C10orf53: variants seen among roughly 807,000 people sequenced by gnomAD.
C10orf53 encodes UPF0728 protein C10orf53.
A neutral mutation model predicts 9.4 loss-of-function variants in C10orf53; 8 were observed. That is an observed-to-expected ratio of 0.85 (90% CI 0.50 to 1.53). The LOEUF is 1.53. Among genes scored for constraint, C10orf53 ranks in the 40% most tolerant of loss-of-function variants. The pLI is 0.00. For missense variants in C10orf53, 117 were observed against 117.8 expected, an observed-to-expected ratio of 0.99 and a Z score of 0.03; for synonymous variants, 48 against 46.0, an observed-to-expected ratio of 1.04 and a Z score of -0.18.
chr10:49,686,415 A>C (rs1005653145), intron 1 of C10orf53, among the ~76,000 whole-genome samples: 4 of 152,202 alleles, frequency 2.6e-5, no homozygotes, highest in African/African-American at 7.2e-5. Context: ...ACAGAATAAC[A>C]GTGATTTTCA....
downstream of C10orf53, among the ~76,000 whole-genome samples, chr10:49,698,754 G>A (rs962753856): frequency 2.6e-5 from 4 of 152,212 alleles, no homozygotes; most frequent in South Asian, 2.1e-4. Context: ...AGGCGCTATA[G>A]TGGCAGCTGT....
Position 49,679,766 on chromosome 10 carries a change from C to G in C10orf53, c.69C>G (p.His23Gln). 6.5e-7 allele frequency: 1 copy of G among 1,544,984 alleles called. No homozygotes were observed. Among genetic ancestry groups the G allele is most frequent in the Non-Finnish European group, 8.7e-7 (1 of 1,145,266 alleles). Residue 23 changes from histidine (H) to glutamine (Q), a missense_variant, in exon 1 of 3, where the codon CAC becomes CAG. Coordinates refer to ENST00000374111, the MANE Select transcript of C10orf53 (RefSeq NM_001042427.3). The stretch of plus-strand genomic sequence containing the variant: ...GCGCGGCAGGCCTACCGGTGGAGCA[C>G]CACACCTTCCGCCTGCAGGGCCTGC... ...PYSAAGLPVE[H>Q]HTFRLQGLQA... is the part of the protein sequence containing the mutation.
chr10:49,701,713 C>T (rs1456857544), downstream of C10orf53, among the ~76,000 whole-genome samples: 3 of 152,176 alleles, frequency 2.0e-5, no homozygotes, highest in African/African-American at 7.2e-5. Context: ...GAAGCCTGCC[C>T]TGCCCTCCCA....
exon 3 of C10orf53, chr10:49,708,810 C>A: frequency 1.4e-6 from 1 of 735,402 alleles, no homozygotes; most frequent in South Asian, 1.9e-5. Flanking sequence ...AGCTCTGAGT[C>A]TCTACAACTG....
At chr10:49,704,657 T>C (rs868294658) in intron 2 of C10orf53, among the ~76,000 whole-genome samples, 5 of 152,156 alleles carry the variant, frequency 3.3e-5, no homozygotes, top group Non-Finnish European at 7.3e-5. Context: ...GGTGGGAGAA[T>C]TGCTTGAACC....
intron 2 of C10orf53, among the ~76,000 whole-genome samples, chr10:49,705,345 G>C (rs1300165237): frequency 6.6e-6 from 1 of 152,108 alleles, no homozygotes; most frequent in East Asian, 1.9e-4. Flanking sequence ...TTTTACCTTT[G>C]AAACTTTGTA....
chr10:49,679,691 C>A lies in C10orf53; in HGVS notation c.-7C>A. ...TCCCTTGCCTCTGCGGCGGCGGAGG[C>A]CTGGCGATGCCCAAGAACGCAGTGG... On this transcript the variant is annotated 5_prime_UTR_variant, in exon 1 of 3. Transcript: ENST00000374111. The A allele has an allele frequency of 1.3e-6, 2 of 1,545,666 alleles. No homozygotes were observed. The highest frequency in any genetic ancestry group is 1.7e-6 in the Non-Finnish European group (2 of 1,144,944).
At chr10:49,708,138 G>A (rs181394388) in intron 2 of C10orf53, among the ~76,000 whole-genome samples, 2 of 152,106 alleles carry the variant, frequency 1.3e-5, no homozygotes, top group African/African-American at 2.4e-5. Flanking sequence ...TGATTTCTTT[G>A]TTACATGCTA....
intron 1 of C10orf53, among the ~76,000 whole-genome samples, chr10:49,687,398 G>T (rs936758511): frequency 6.6e-6 from 1 of 152,148 alleles, no homozygotes; most frequent in Non-Finnish European, 1.5e-5. Flanking sequence ...CCTCTCCCTG[G>T]TCACTTATCT....
At chr10:49,699,560 G>A (rs758338669), downstream of C10orf53, among the ~76,000 whole-genome samples, 1 of 152,064 alleles carries the variant, frequency 6.6e-6, no homozygotes, top group East Asian at 1.9e-4. Flanking sequence ...TTTGTAGCCC[G>A]TTACTGTGAT....
chr10:49,687,088 T>G (rs1208387643), intron 1 of C10orf53, among the ~76,000 whole-genome samples: 1 of 152,246 alleles, frequency 6.6e-6, no homozygotes, highest in African/African-American at 2.4e-5. Flanking sequence ...GACCTTTGAC[T>G]GTTTTCCAGA....
chr10:49,707,153 G>GT (rs11423076), intron 2 of C10orf53, among the ~76,000 whole-genome samples: 69,201 of 151,994 alleles, frequency 0.46, 16,158 homozygotes, highest in Middle Eastern at 0.5. Context: ...CATCTCAGAT[G>GT]TAACTCCTGT....
chr10:49,688,747 G>C lies in C10orf53; in HGVS notation c.98-5027G>C, dbSNP rs78365258. Among the ~76,000 whole-genome samples the C allele has an allele frequency of 3.8e-3, 584 of 151,950 alleles. 27 individuals carry two copies. In the East Asian group the frequency reaches 0.093, roughly 24 times the overall value. Reference sequence around the variant, plus strand: ...GCTCCCACCTCAGGGCTTCACAGCCGCTCCGCCTGGAACGCTCTTTCCTAC... The same window carrying C: ...GCTCCCACCTCAGGGCTTCACAGCCCCTCCGCCTGGAACGCTCTTTCCTAC... On this transcript the variant is annotated intron_variant, in intron 1 of 2. Coordinates refer to ENST00000374111, the MANE Select transcript of C10orf53 (RefSeq NM_001042427.3).
At chr10:49,683,326 G>C (rs1840497497) in intron 1 of C10orf53, among the ~76,000 whole-genome samples, 1 of 152,190 alleles carries the variant, frequency 6.6e-6, no homozygotes, top group South Asian at 2.1e-4. Context: ...TATGTCTATG[G>C]AGAAATGTCT....
rs965601471 is a variant in C10orf53 at position 49,697,036 on chromosome 10, T to C, written c.*2434T>C. ...GGTGAAGCCTCATCTCTACAAAAAA[T>C]ACAAAAATTAGCCAGGCCTGGTGGC... On this transcript the variant is annotated 3_prime_UTR_variant, in exon 3 of 3. Coordinates refer to ENST00000374111, the MANE Select transcript of C10orf53 (RefSeq NM_001042427.3). 6.6e-6 allele frequency among the ~76,000 whole-genome samples: 1 copy of C among 151,914 alleles called. No homozygotes were observed. Among genetic ancestry groups the C allele is most frequent in the African/African-American group, 2.4e-5 (1 of 41,356 alleles).
Position 49,694,937 on chromosome 10 carries a change from C to T in C10orf53, c.*335C>T, listed in dbSNP as rs1840620828. The T allele has an allele frequency of 3.8e-6, 4 of 1,066,196 alleles. No homozygotes were observed. The highest frequency in any genetic ancestry group is 4.5e-6 in the Non-Finnish European group (4 of 881,328). 66.0% of individuals were successfully genotyped at this position (1,066,196 alleles called of 1,614,324 possible). On this transcript the variant is annotated 3_prime_UTR_variant, in exon 3 of 3. Transcript: ENST00000374111. ...ATTCCTGACTAATAACACATAGTTG[C>T]CAGAAGCATCTGAGATTCCATTGTT...
downstream of C10orf53, among the ~76,000 whole-genome samples, chr10:49,702,482 G>A (rs1840691569): frequency 6.6e-6 from 1 of 152,208 alleles, no homozygotes; most frequent in South Asian, 2.1e-4. Flanking sequence ...TCTGAATAGA[G>A]TGAAAGGTGG....
chr10:49,707,773 T>C (rs1454561831), intron 2 of C10orf53, among the ~76,000 whole-genome samples: 2 of 152,092 alleles, frequency 1.3e-5, no homozygotes, highest in African/African-American at 4.8e-5. Context: ...ATTTGAATAG[T>C]GTGTGCTTCT....
chr10:49,690,348 C>G (rs1840572124), intron 1 of C10orf53, among the ~76,000 whole-genome samples: 2 of 152,220 alleles, frequency 1.3e-5, no homozygotes, highest in South Asian at 4.1e-4. Flanking sequence ...CCCCCCACAA[C>G]TTTAGATCCA....
Sources: gnomAD v4.1 joint callset for allele counts (sites outside exome capture counted in the v4.1 genomes callset) on GRCh38, gnomAD v4.1.1 for gene constraint, MANE v1.5 for transcripts, NCBI Gene and HGNC (gene_info 2026-07-23, HGNC 2026-07-21) for gene names.